INHBA: variants seen among roughly 807,000 people sequenced by gnomAD.
INHBA encodes the protein inhibin subunit beta A.
A neutral mutation model predicts 29.0 loss-of-function variants in INHBA; 1 was observed. The ratio of observed to expected loss-of-function variants is 0.03; its 90% confidence interval spans 0.01 to 0.16. The LOEUF is 0.16. Among genes scored for constraint, INHBA ranks in the 10% least tolerant of loss-of-function variants. The pLI, the probability that INHBA is intolerant of heterozygous loss-of-function variation, is 1.00. For synonymous variants in INHBA, 242 were observed against 216.8 expected, an observed-to-expected ratio of 1.12 and a Z score of -1.02; for missense variants, 376 against 545.4, an observed-to-expected ratio of 0.69 and a Z score of 3.09.
chr7:41,703,323 A>G (rs1411902974), upstream of INHBA, among the ~76,000 whole-genome samples: 1 of 152,150 alleles, frequency 6.6e-6, no homozygotes, highest in Non-Finnish European at 1.5e-5. Flanking sequence ...GGATTACTCT[A>G]CCTTTTAGAA....
At position 41,690,508 on chromosome 7, in the gene INHBA, G is replaced by A; in HGVS notation, c.423C>T (p.Ser141=). 1.2e-6 allele frequency: 2 copies of A among 1,609,866 alleles called. No homozygotes were observed. The highest frequency in any genetic ancestry group is 1.7e-5 in the Admixed American group (1 of 59,612). The change falls in exon 3 of 3, where the codon TCC becomes TCT. Residue 141 remains serine (S), a synonymous_variant. Coordinates refer to ENST00000242208, the MANE Select transcript of INHBA (RefSeq NM_002192.4). The stretch of plus-strand genomic sequence containing the variant: ...CCACTGACAGGTCACTGCCTTCCTT[G>A]GAAATCTCGAAGTGCAGCGTCTTCC... ...TARKTLHFEI[S]KEGSDLSVVE... is the part of the protein sequence containing the mutation.
At chr7:41,704,232 A>G (rs900118908), upstream of INHBA, among the ~76,000 whole-genome samples, 1 of 152,154 alleles carries the variant, frequency 6.6e-6, no homozygotes, top group Non-Finnish European at 1.5e-5. Context: ...CCATTAGGAC[A>G]CCAGAAGTTT....
chr7:41,700,426 T>C lies in INHBA; in HGVS notation c.-52A>G, dbSNP rs371715640. ...CCTTTTTAAAAGGCCCTGCTTTTCC[T>C]CCCCCCTCACGCGCAGGTTTTTTTG... On this transcript the variant is annotated 5_prime_UTR_variant, in exon 2 of 3. Coordinates refer to ENST00000242208, the MANE Select transcript of INHBA (RefSeq NM_002192.4). 7.4e-7 allele frequency: 1 copy of C among 1,356,944 alleles called. No individual in the cohort carries two copies. Among genetic ancestry groups the C allele is most frequent in the Non-Finnish European group, 9.5e-7 (1 of 1,048,710 alleles). 84.1% of individuals were successfully genotyped at this position (1,356,944 alleles called of 1,614,324 possible).
intron 2 of INHBA, among the ~76,000 whole-genome samples, chr7:41,697,627 A>C (rs1256168454): frequency 1.3e-5 from 2 of 152,244 alleles, no homozygotes; most frequent in African/African-American, 4.8e-5. Context: ...GCTGCACAAA[A>C]TGGTTATAAG....
At chr7:41,694,563 T>C (rs1202269077) in intron 2 of INHBA, among the ~76,000 whole-genome samples, 2 of 152,240 alleles carry the variant, frequency 1.3e-5, no homozygotes, top group East Asian at 1.9e-4. Flanking sequence ...CCTAGGTTCC[T>C]GCACTATTAC....
At chr7:41,699,877 G>T in intron 2 of INHBA, 110 bp downstream of exon 2, 1 of 802,250 alleles carries the variant, frequency 1.2e-6, no homozygotes, top group Non-Finnish European at 2.0e-6. Context: ...AACCTTCCCA[G>T]GCAGTTTCCA....
upstream of INHBA, among the ~76,000 whole-genome samples, chr7:41,704,670 G>A (rs1389427325): frequency 2.0e-5 from 3 of 148,894 alleles, no homozygotes; most frequent in East Asian, 6.1e-4. Flanking sequence ...GTGACGTGGG[G>A]TGGGGGTGGG....
rs551233348 is a variant in INHBA, at chr7:41,689,560, T to C, written c.*90A>G. ...GTTTTGTTTTTAATTTCTATTTTTC[T>C]GGTTAACTCAGAAACCTTAAAAATT... On this transcript the variant is annotated 3_prime_UTR_variant, in exon 3 of 3. Transcript: ENST00000242208. 5.2e-6 allele frequency: 5 copies of C among 964,544 alleles called. No individual in the cohort carries two copies. Among genetic ancestry groups the C allele is most frequent in the South Asian group, 3.6e-5 (1 of 27,474 alleles). 59.7% of individuals were successfully genotyped at this position (964,544 alleles called of 1,614,324 possible).
Position 41,690,284 on chromosome 7 carries a change from C to T in INHBA, c.647G>A (p.Ser216Asn). 6.2e-7 allele frequency: 1 copy of T among 1,614,076 alleles called. No individual in the cohort carries two copies. Among genetic ancestry groups the T allele is most frequent in the Non-Finnish European group, 8.5e-7 (1 of 1,180,004 alleles). ...GGAGACAGGGAAGACATGCCAGGTG[C>T]TCTTCCGAGCGTCTACTACTTTTTC... is the stretch of plus-strand genomic sequence containing the variant. ...LSEKVVDARK[S>N]TWHVFPVSSS... The change falls in exon 3 of 3, where the codon AGC (serine) becomes AAC (asparagine). Residue 216 changes from serine (S) to asparagine (N), a missense_variant. Coordinates refer to ENST00000242208, the MANE Select transcript of INHBA (RefSeq NM_002192.4).
chr7:41,695,391 T>A (rs1169929162), intron 2 of INHBA, among the ~76,000 whole-genome samples: 1 of 152,188 alleles, frequency 6.6e-6, no homozygotes, highest in Non-Finnish European at 1.5e-5. Flanking sequence ...TAGTCAATGG[T>A]AAGGGTATAC....
intron 2 of INHBA, chr7:41,691,127 T>A (rs1794516034): frequency 6.6e-6 from 1 of 152,442 alleles, no homozygotes; most frequent in African/African-American, 2.4e-5. Context: ...AAAAAGACAC[T>A]GTAAGCTCTA....
intron 2 of INHBA, among the ~76,000 whole-genome samples, chr7:41,696,299 G>A (rs1794646581): frequency 6.6e-6 from 1 of 152,178 alleles, no homozygotes; most frequent in Admixed American, 6.5e-5. Context: ...CAGTATCGCT[G>A]ATGATTCATA....
At chr7:41,698,379 T>C (rs192085788) in intron 2 of INHBA, among the ~76,000 whole-genome samples, 22 of 152,174 alleles carry the variant, frequency 1.4e-4, no homozygotes, top group African/African-American at 5.1e-4. Context: ...TGTGTGGAGG[T>C]TGGTATACAA....
Position 41,700,435 on chromosome 7 carries a change from A to C in INHBA, c.-61T>G. ...AAGGCCCTGCTTTTCCTCCCCCCTC[A>C]CGCGCAGGTTTTTTTGTGTGTGTGG... On this transcript the variant is annotated 5_prime_UTR_variant, in exon 2 of 3. Coordinates refer to ENST00000242208, the MANE Select transcript of INHBA (RefSeq NM_002192.4). 3 of 1,320,124 alleles carry C rather than the reference A, an allele frequency of 2.3e-6. No individual in the cohort carries two copies. Among genetic ancestry groups the C allele is most frequent in the Non-Finnish European group, 2.9e-6 (3 of 1,020,890 alleles). 81.8% of individuals were successfully genotyped at this position (1,320,124 alleles called of 1,614,324 possible).
At chr7:41,690,602 T>A (rs766055818) in intron 2 of INHBA, 60 bp from the exon 3 acceptor site, 21 of 1,469,184 alleles carry the variant, frequency 1.4e-5, no homozygotes, top group Non-Finnish European at 1.9e-5. Flanking sequence ...AACATTTACA[T>A]GCACTCGTAA....
upstream of INHBA, among the ~76,000 whole-genome samples, chr7:41,704,681 G>A (rs962047422): frequency 4.0e-5 from 6 of 148,842 alleles, no homozygotes; most frequent in African/African-American, 1.5e-4. Context: ...TGGGGGTGGG[G>A]GGCACAAAAC....
At chr7:41,699,817 C>CGT (rs1794731546) in intron 2 of INHBA, among the ~76,000 whole-genome samples, 170 bp downstream of exon 2, 2 of 152,140 alleles carry the variant, frequency 1.3e-5, no homozygotes, top group Non-Finnish European at 2.9e-5. Context: ...TCTCCCCCTC[C>CGT]CCTGCCTGCC....
chr7:41,687,864 G>A lies in INHBA; in HGVS notation c.*1786C>T, dbSNP rs1201665065. 7 of 152,194 alleles carry A rather than the reference G, an allele frequency of 4.6e-5. No homozygotes were observed. 9.4% of individuals were successfully genotyped at this position (152,194 alleles called of 1,614,324 possible). A position where few individuals can be genotyped will look rare whatever the true frequency, so the allele number is the denominator to read the frequency against. On this transcript the variant is annotated 3_prime_UTR_variant, in exon 3 of 3. Coordinates refer to ENST00000242208, the MANE Select transcript of INHBA (RefSeq NM_002192.4). ...CTGAAAAAGCTTCTGATTTAAGATT[G>A]ATTCCAATAGACACTAAGTTGGAAA...
At chr7:41,697,568 T>C (rs577151127) in intron 2 of INHBA, among the ~76,000 whole-genome samples, 1 of 152,332 alleles carries the variant, frequency 6.6e-6, no homozygotes, top group African/African-American at 2.4e-5. Flanking sequence ...GGGGCTGCTA[T>C]GGGTCTGCAT....
Sources: allele counts gnomAD v4.1 joint callset (sites outside exome capture counted in the v4.1 genomes callset), GRCh38; gene constraint gnomAD v4.1.1; transcripts MANE v1.5; gene names NCBI Gene and HGNC (gene_info 2026-07-23, HGNC 2026-07-21).